Variants in TMEFF2 observed in about 807,000 individuals in gnomAD.
The protein encoded by TMEFF2 is transmembrane protein with EGF like and two follistatin like domains 2.
A neutral mutation model predicts 53.8 loss-of-function variants in TMEFF2; 28 were observed. The ratio of observed to expected loss-of-function variants is 0.52; its 90% confidence interval spans 0.39 to 0.71. The LOEUF (loss-of-function observed/expected upper bound fraction) is 0.71. TMEFF2 is among the 30% of genes least tolerant of loss of function. The pLI, the probability that TMEFF2 is intolerant of heterozygous loss-of-function variation, is 0.00. For missense variants in TMEFF2, 353 were observed against 455.2 expected, an observed-to-expected ratio of 0.78 and a Z score of 2.04; for synonymous variants, 162 against 166.3, an observed-to-expected ratio of 0.97 and a Z score of 0.20.
At chr2:192,139,657 C>G (rs918199656) in intron 4 of TMEFF2, among the ~76,000 whole-genome samples, 1 of 152,136 alleles carries the variant, frequency 6.6e-6, no homozygotes, top group Non-Finnish European at 1.5e-5. Context: ...TGGACAATTT[C>G]ATAAAAAGTT....
intron 5 of TMEFF2, among the ~76,000 whole-genome samples, chr2:192,014,813 CA>C (rs1308990929): frequency 6.6e-6 from 1 of 152,060 alleles, no homozygotes; most frequent in Admixed American, 6.5e-5. Context: ...TTAGGTAGAA[CA>C]AGAGGAAAAA....
At chr2:191,957,901 A>G (rs910081738) in intron 7 of TMEFF2, among the ~76,000 whole-genome samples, 1 of 152,214 alleles carries the variant, frequency 6.6e-6, no homozygotes, top group Non-Finnish European at 1.5e-5. Context: ...TACCACTTCC[A>G]TGGAGAAAAC....
Position 192,125,347 on chromosome 2 carries a change from T to G in TMEFF2, c.439+54321A>C, listed in dbSNP as rs183365973. ...AGTTCATCTCTGAGTTCAAATAACA[T>G]TCAGCTCAACTCTAATAAAAATATA... On this transcript the variant is annotated intron_variant, in intron 4 of 9. Coordinates refer to ENST00000272771, the MANE Select transcript of TMEFF2 (RefSeq NM_016192.4). Among the ~76,000 whole-genome samples, 709 of 152,260 alleles carry G rather than the reference T, an allele frequency of 4.7e-3. 6 individuals carry two copies. The highest frequency in any genetic ancestry group is 0.017 in the African/African-American group (689 of 41,556).
chr2:192,059,693 C>T (rs980192894), intron 4 of TMEFF2, among the ~76,000 whole-genome samples: 5 of 152,126 alleles, frequency 3.3e-5, no homozygotes, highest in Non-Finnish European at 7.3e-5. Context: ...ATTTTGCTAT[C>T]TCAGCAGGAC....
At chr2:192,130,844 A>G (rs1468165893) in intron 4 of TMEFF2, among the ~76,000 whole-genome samples, 1 of 151,930 alleles carries the variant, frequency 6.6e-6, no homozygotes. Context: ...CTGGGAAAGC[A>G]GAGAAGGGGT....
chr2:191,968,025 T>C (rs1692518314), intron 7 of TMEFF2, among the ~76,000 whole-genome samples: 1 of 152,238 alleles, frequency 6.6e-6, no homozygotes, highest in Admixed American at 6.5e-5. Flanking sequence ...GAGAGATTTC[T>C]AGATTTTGTC....
At chr2:192,044,730 T>C (rs1687572927) in intron 5 of TMEFF2, among the ~76,000 whole-genome samples, 1 of 152,164 alleles carries the variant, frequency 6.6e-6, no homozygotes, top group Non-Finnish European at 1.5e-5. Context: ...TGCGGATCCT[T>C]AGGATTTTGG....
At chr2:192,011,613 T>A (rs1686628198) in intron 5 of TMEFF2, among the ~76,000 whole-genome samples, 3 of 152,252 alleles carry the variant, frequency 2.0e-5, no homozygotes, top group Admixed American at 1.3e-4. Context: ...TATGTTTTTT[T>A]AAATGGGTGT....
At chr2:192,171,234 A>G (rs1001463837) in intron 4 of TMEFF2, among the ~76,000 whole-genome samples, 9 of 152,100 alleles carry the variant, frequency 5.9e-5, no homozygotes, top group Non-Finnish European at 1.0e-4. Context: ...AATATACTCA[A>G]TAAAGGACCA....
chr2:192,069,964 A>ATGTGTG (rs377496762), intron 4 of TMEFF2, among the ~76,000 whole-genome samples: 62 of 86,588 alleles, frequency 7.2e-4, no homozygotes, highest in Middle Eastern at 5.3e-3. Flanking sequence ...ATTTAGAAAA[A>ATGTGTG]TGTGTGTGTG....
At position 192,111,398 on chromosome 2, in the gene TMEFF2, C is replaced by A. The variant is rs949258293; in HGVS notation, c.440-53623G>T. ...CTATTACTATGTTTTAGCAAGGAGA[C>A]TGGTGACATTTTGCCCCTGCCCTGG... On this transcript the variant is annotated intron_variant, in intron 4 of 9. Coordinates refer to ENST00000272771, the MANE Select transcript of TMEFF2 (RefSeq NM_016192.4). Among the ~76,000 whole-genome samples the A allele has an allele frequency of 3.3e-5, 5 of 152,076 alleles. 1 individual carries two copies. The South Asian group carries it at 6.2e-4, about 19-fold the overall frequency.
intron 7 of TMEFF2, among the ~76,000 whole-genome samples, chr2:191,984,371 T>G (rs1685926074): frequency 6.6e-6 from 1 of 152,104 alleles, no homozygotes; most frequent in South Asian, 2.1e-4. Flanking sequence ...CCCCAGTAAC[T>G]ACATTGGTGA....
intron 4 of TMEFF2, among the ~76,000 whole-genome samples, chr2:192,114,064 TTGTGTGTG>T (rs34553641): frequency 0.022 from 3,217 of 143,010 alleles, 61 homozygotes; most frequent in Middle Eastern, 0.068. Flanking sequence ...AATCTGGAAA[TTGTGTGTG>T]TGTGTGTGTG....
chr2:192,108,639 A>C (rs549251145), intron 4 of TMEFF2, among the ~76,000 whole-genome samples: 3 of 152,100 alleles, frequency 2.0e-5, no homozygotes, highest in African/African-American at 7.2e-5. Context: ...AAAGAGTTTG[A>C]TGGTTCCTCA....
intron 4 of TMEFF2, among the ~76,000 whole-genome samples, chr2:192,073,899 A>G (rs1017662763): frequency 6.6e-6 from 1 of 152,002 alleles, no homozygotes; most frequent in Non-Finnish European, 1.5e-5. Context: ...ATATTTCTAC[A>G]GCTATCTAGA....
chr2:191,976,465 T>C (rs4290597), intron 7 of TMEFF2, among the ~76,000 whole-genome samples: 150,538 of 152,346 alleles, frequency 0.99, 74,407 homozygotes, highest in Middle Eastern at 1. Context: ...TTCTCTGTGC[T>C]TTTCAGGTCA....
chr2:192,169,501 T>A (rs985792125), intron 4 of TMEFF2, among the ~76,000 whole-genome samples: 4 of 152,122 alleles, frequency 2.6e-5, no homozygotes, highest in East Asian at 3.9e-4. Context: ...TTGGGAAGAC[T>A]AATTTTTATC....
chr2:192,154,870 C>T (rs2106004530), intron 4 of TMEFF2, among the ~76,000 whole-genome samples: 1 of 151,834 alleles, frequency 6.6e-6, no homozygotes, highest in Non-Finnish European at 1.5e-5. Flanking sequence ...AAGTACATTC[C>T]CCCACTTTGA....
chr2:191,967,474 G>A (rs1276337070), intron 7 of TMEFF2, among the ~76,000 whole-genome samples: 1 of 152,146 alleles, frequency 6.6e-6, no homozygotes, highest in African/African-American at 2.4e-5. Flanking sequence ...TTCTAGTGCA[G>A]ATTGACCTCC....
Sources: allele counts gnomAD v4.1 joint callset (sites outside exome capture counted in the v4.1 genomes callset), GRCh38; gene constraint gnomAD v4.1.1; transcripts MANE v1.5; gene names NCBI Gene and HGNC (gene_info 2026-07-23, HGNC 2026-07-21).